The following MAN2A1 variants were observed in gnomAD, a reference collection of about 807,000 sequenced individuals.
MAN2A1 encodes the protein alpha-mannosidase 2.
Under a neutral mutation model 142.6 loss-of-function variants are expected in MAN2A1, and 76 were observed. The ratio of observed to expected loss-of-function variants is 0.53; its 90% CI spans 0.44 to 0.65. MAN2A1 has a LOEUF of 0.65. Ranked by LOEUF, MAN2A1 falls within the 30% of genes least tolerant of loss-of-function variation. MAN2A1 has a pLI of 0.00. For synonymous variants in MAN2A1, 559 were observed against 473.2 expected (o/e 1.18, Z -2.35); for missense variants, 1,311 against 1,365.1 (o/e 0.96, Z 0.62).
At chr5:109,839,016 T>C (rs2112752660) in intron 16 of MAN2A1, among the ~76,000 whole-genome samples, 1 of 152,316 alleles carries the variant, frequency 6.6e-6, no homozygotes, top group East Asian at 1.9e-4. Flanking sequence ...AGGCTTTATT[T>C]CATTTCATGT....
At position 109,855,134 on chromosome 5, in the gene MAN2A1, T is replaced by G; in HGVS notation, c.2977-6T>G. On this transcript the variant is annotated splice_polypyrimidine_tract_variant and splice_region_variant and intron_variant, in intron 19 of 21. Coordinates refer to ENST00000261483, the MANE Select transcript of MAN2A1 (RefSeq NM_002372.4). Reference sequence around the variant, plus strand: ...CCTCTTAAACATTTTTGTTTTTTCTTGATAGGAAGAAGAAAAGAAGTCGGT... The same window carrying G: ...CCTCTTAAACATTTTTGTTTTTTCTGGATAGGAAGAAGAAAAGAAGTCGGT... 6.6e-7 allele frequency: 1 copy of G among 1,523,936 alleles called. No individual in the cohort carries two copies. The highest frequency in any genetic ancestry group is 1.4e-5 in the South Asian group (1 of 72,720). The allele number at this position is 1,523,936 out of a possible 1,614,324, so 94.4% of individuals were successfully genotyped here. A position where few individuals can be genotyped will look rare whatever the true frequency, so the allele number is the denominator to read the frequency against.
intron 4 of MAN2A1, among the ~76,000 whole-genome samples, chr5:109,753,603 C>A (rs895234216): frequency 2.6e-5 from 4 of 152,080 alleles, no homozygotes; most frequent in Non-Finnish European, 5.9e-5. Flanking sequence ...AAATTACGTC[C>A]ATTATCCACT....
chr5:109,769,686 G>C (rs924738821), intron 6 of MAN2A1, among the ~76,000 whole-genome samples: 4 of 152,092 alleles, frequency 2.6e-5, no homozygotes, highest in Non-Finnish European at 5.9e-5. Flanking sequence ...TATTCGTTTT[G>C]TTTTTATTTT....
intron 12 of MAN2A1, among the ~76,000 whole-genome samples, chr5:109,796,027 AGTT>A (rs1465018561): frequency 4.6e-5 from 7 of 152,258 alleles, no homozygotes; most frequent in African/African-American, 1.4e-4. Context: ...TTCCTAAACA[AGTT>A]GTTGTTATTT....
rs151100392 is a variant in MAN2A1, at chr5:109,840,569, C to G, written c.2567-1759C>G. 3.9e-4 allele frequency: 195 copies of G among 505,372 alleles called. 1 individual carries two copies. Among genetic ancestry groups the G allele is most frequent in the African/African-American group, 3.7e-3 (187 of 50,718 alleles). 31.3% of individuals were successfully genotyped at this position (505,372 alleles called of 1,614,324 possible). On this transcript the variant is annotated intron_variant, in intron 16 of 21. Transcript: ENST00000261483. ...GCCTCCAATAAGGCTGTCTCCTGCT[C>G]TTTGTTTCCTTAACAACAGGGCCAT...
At chr5:109,839,825 T>C (rs979542255) in intron 16 of MAN2A1, among the ~76,000 whole-genome samples, 2 of 152,122 alleles carry the variant, frequency 1.3e-5, no homozygotes, top group African/African-American at 4.8e-5. Context: ...TCCTAGAGGC[T>C]TCAGCCCATT....
intron 4 of MAN2A1, among the ~76,000 whole-genome samples, chr5:109,740,826 A>AG (rs1463468846): frequency 6.6e-6 from 1 of 152,182 alleles, no homozygotes; most frequent in Non-Finnish European, 1.5e-5. Context: ...CATATCTGTC[A>AG]GAAATGCTGC....
rs77796325 is a variant in MAN2A1, at chr5:109,844,772, T to A, written c.2701-1093T>A. Among the ~76,000 whole-genome samples the A allele has an allele frequency of 2.0e-3, 309 of 152,338 alleles. 2 individuals are homozygous for A. Among genetic ancestry groups the A allele is most frequent in the African/African-American group, 7.1e-3 (297 of 41,594 alleles). The stretch of plus-strand genomic sequence containing the variant: ...CTTTTGTCATACAGCGTTCTCCCTA[T>A]GCCTCTTGTATCTGTCTGTCTGTGT... On this transcript the variant is annotated intron_variant, in intron 17 of 21. Coordinates refer to ENST00000261483, the MANE Select transcript of MAN2A1 (RefSeq NM_002372.4).
At chr5:109,760,750 C>T (rs751088003) in intron 5 of MAN2A1, among the ~76,000 whole-genome samples, 6 of 151,846 alleles carry the variant, frequency 4.0e-5, no homozygotes, top group South Asian at 2.1e-4. Context: ...CTTTTTTTCA[C>T]GTTTGTTGGC....
chr5:109,787,971 C>A (rs1753637110), intron 10 of MAN2A1, among the ~76,000 whole-genome samples: 1 of 151,744 alleles, frequency 6.6e-6, no homozygotes, highest in South Asian at 2.1e-4. Flanking sequence ...TGATCATGAT[C>A]ACTTACATCT....
chr5:109,846,975 T>C (rs1384848535), intron 18 of MAN2A1, among the ~76,000 whole-genome samples: 2 of 148,856 alleles, frequency 1.3e-5, no homozygotes, highest in African/African-American at 5.1e-5. Flanking sequence ...ATTGTTGCTG[T>C]GTGGTTAGGG....
At chr5:109,799,018 A>G (rs1375645690) in intron 12 of MAN2A1, among the ~76,000 whole-genome samples, 2 of 151,644 alleles carry the variant, frequency 1.3e-5, no homozygotes, top group African/African-American at 4.8e-5. Context: ...ATGTGTCTCA[A>G]ATTTGTCCTC....
intron 2 of MAN2A1, among the ~76,000 whole-genome samples, chr5:109,714,069 A>G (rs1023012205): frequency 2.0e-5 from 3 of 152,120 alleles, no homozygotes; most frequent in African/African-American, 7.2e-5. Flanking sequence ...TAAAGGTTTA[A>G]ATTTTGCCAG....
At chr5:109,722,367 T>C (rs943554283) in intron 3 of MAN2A1, among the ~76,000 whole-genome samples, 1 of 152,242 alleles carries the variant, frequency 6.6e-6, no homozygotes, top group Non-Finnish European at 1.5e-5. Flanking sequence ...TGCCACATTT[T>C]CTACAATTAG....
intron 7 of MAN2A1, among the ~76,000 whole-genome samples, chr5:109,772,235 G>A (rs536309833): frequency 3.3e-5 from 5 of 152,150 alleles, no homozygotes; most frequent in South Asian, 4.1e-4. Flanking sequence ...TTTCTATGGC[G>A]GCGTGTGCCT....
intron 16 of MAN2A1, among the ~76,000 whole-genome samples, chr5:109,831,601 A>G (rs562295816): frequency 1.1e-3 from 169 of 152,322 alleles, no homozygotes; most frequent in African/African-American, 3.9e-3. Flanking sequence ...AAAAATAAGC[A>G]TATCCAATGG....
In MAN2A1 at chr5:109,866,930, A is replaced by G; in HGVS notation, c.3367A>G (p.Thr1123Ala). 1.2e-6 allele frequency: 2 copies of G among 1,613,086 alleles called. No individual in the cohort carries two copies. The highest frequency in any genetic ancestry group is 1.7e-6 in the Non-Finnish European group (2 of 1,179,358). Residue 1123 changes from threonine (T) to alanine (A), a missense_variant, in exon 22 of 22, where the codon ACT becomes GCT. Thr to Ala is a moderately conservative substitution (Grantham distance 58, BLOSUM62 0). This residue lies in a region of MAN2A1 where 890 missense variants were observed against 920.5 expected (regional missense o/e 0.97). Transcript: ENST00000261483. ...ATCCTTGATGCATTCACCTCCCGGC[A>G]CTCAGAATATAAGTGAGATCAACTT... Reference protein sequence around the residue: ...SLSLMHSPPGTQNISEINLSP... With the variant: ...SLSLMHSPPGAQNISEINLSP...
rs377384733 is a variant in MAN2A1, at chr5:109,839,032, G to C, written c.2567-3296G>C. Among the ~76,000 whole-genome samples, 3 of 152,142 alleles carry C rather than the reference G, an allele frequency of 2.0e-5. No homozygotes were observed. In the East Asian group the frequency reaches 5.8e-4, roughly 29 times the overall value. ...GGCTTTATTTCATTTCATGTATTCT[G>C]TTGATCTTTGAGACAATATCTAATC... On this transcript the variant is annotated intron_variant, in intron 16 of 21. Transcript: ENST00000261483.
chr5:109,822,069 A>G (rs1754638557), intron 15 of MAN2A1, among the ~76,000 whole-genome samples: 1 of 151,498 alleles, frequency 6.6e-6, no homozygotes, highest in South Asian at 2.1e-4. Context: ...GCTAACTAAA[A>G]TCCAATACTG....
Sources: gnomAD v4.1 joint callset for allele counts (sites outside exome capture counted in the v4.1 genomes callset) on GRCh38, gnomAD v4.1.1 for gene constraint, gnomAD v4.1.1 regional missense constraint, MANE v1.5 for transcripts, NCBI Gene and HGNC (gene_info 2026-07-23, HGNC 2026-07-21) for gene names.